The following AGAP1 variants were observed in gnomAD, a reference collection of about 807,000 sequenced individuals.
AGAP1 encodes arf-GAP with GTPase, ANK repeat and PH domain-containing protein 1.
In AGAP1, 29 loss-of-function variants were observed where a neutral mutation model predicts 105.3. The observed-to-expected ratio is 0.28, with a 90% CI of 0.21 to 0.38. The LOEUF is 0.38. AGAP1 is among the 10% of genes least tolerant of loss of function. The pLI, the probability that AGAP1 is intolerant of heterozygous loss-of-function variation, is 1.00. For synonymous variants in AGAP1, 509 were observed against 485.9 expected (o/e 1.05, Z -0.63); for missense variants, 998 against 1,165.1 (o/e 0.86, Z 2.09).
Position 235,883,280 on chromosome 2 carries a change from G to A in AGAP1, c.1051-65G>A, listed in dbSNP as rs1241083932. On this transcript the variant is annotated intron_variant, in intron 9 of 17. Transcript: ENST00000304032. The surrounding 1 kb of genome is among the most constrained non-coding windows in gnomAD (Gnocchi z 4.5). ...CAGAACTTGAATGTATATGTTGCCT[G>A]TGTACCTGCCTTTTCTTTTTTTTAT... is the stretch of plus-strand genomic sequence containing the variant. The A allele has an allele frequency of 5.6e-6, 8 of 1,425,240 alleles. No individual in the cohort carries two copies. Among genetic ancestry groups the A allele is most frequent in the South Asian group, 1.2e-5 (1 of 85,880 alleles). 88.3% of individuals were successfully genotyped at this position (1,425,240 alleles called of 1,614,324 possible). A position where few individuals can be genotyped will look rare whatever the true frequency, so the allele number is the denominator to read the frequency against.
In AGAP1 at chr2:235,992,766, C is replaced by A. The variant is rs1559733390; in HGVS notation, c.1645+24143C>A. Among the ~76,000 whole-genome samples, 1 of 152,188 alleles carries A rather than the reference C, an allele frequency of 6.6e-6. No individual in the cohort carries two copies. Among genetic ancestry groups the A allele is most frequent in the African/African-American group, 2.4e-5 (1 of 41,456 alleles). Reference sequence around the variant, plus strand: ...GATGCGTCGTGGGCGCCGAGGAGAGCGTAGCCTCCTGTTAACGTAGCCTCC... The same window carrying A: ...GATGCGTCGTGGGCGCCGAGGAGAGAGTAGCCTCCTGTTAACGTAGCCTCC... On this transcript the variant is annotated intron_variant, in intron 13 of 17. Transcript: ENST00000304032. This position sits in a 1 kb window ranked among gnomAD's most constrained non-coding sequence, Gnocchi z 4.8.
At chr2:235,868,575 G>C (rs965104021) in intron 9 of AGAP1, among the ~76,000 whole-genome samples, 1 of 152,134 alleles carries the variant, frequency 6.6e-6, no homozygotes. Context: ...AGCAGAGGCC[G>C]GCACCATTTG....
At chr2:236,122,401 C>T (rs1003111696) in intron 17 of AGAP1, among the ~76,000 whole-genome samples, 3 of 152,156 alleles carry the variant, frequency 2.0e-5, no homozygotes, top group Non-Finnish European at 4.4e-5. Flanking sequence ...GCGGGGGACA[C>T]AGTTATAAAT....
chr2:235,664,143 G>A lies in AGAP1; in HGVS notation c.164-45036G>A, dbSNP rs1948051624. On this transcript the variant is annotated intron_variant, in intron 1 of 17. Coordinates refer to ENST00000304032, the MANE Select transcript of AGAP1 (RefSeq NM_001037131.3). The surrounding 1 kb of genome is among the most constrained non-coding windows in gnomAD (Gnocchi z 5.7). ...GGGAGCTGCTGTGTGTGACGTGGCT[G>A]TTCAGTGTTGTTTGTGTTGGCTCTG... Among the ~76,000 whole-genome samples the A allele has an allele frequency of 6.6e-6, 1 of 152,132 alleles. No individual in the cohort carries two copies. The highest frequency in any genetic ancestry group is 1.5e-5 in the Non-Finnish European group (1 of 68,034).
At chr2:235,846,153 A>T (rs1416201520) in intron 9 of AGAP1, among the ~76,000 whole-genome samples, 1 of 152,134 alleles carries the variant, frequency 6.6e-6, no homozygotes, top group Non-Finnish European at 1.5e-5. Flanking sequence ...CATCCTTGTA[A>T]ATCATTTACT....
In AGAP1 at chr2:236,046,334, T is replaced by C. The variant is rs1168711901; in HGVS notation, c.1892-2725T>C. Among the ~76,000 whole-genome samples the C allele has an allele frequency of 1.3e-5, 2 of 152,132 alleles. No homozygotes were observed. Among genetic ancestry groups the C allele is most frequent in the Admixed American group, 1.3e-4 (2 of 15,282 alleles). On this transcript the variant is annotated intron_variant, in intron 15 of 17. Coordinates refer to ENST00000304032, the MANE Select transcript of AGAP1 (RefSeq NM_001037131.3). This position sits in a 1 kb window ranked among gnomAD's most constrained non-coding sequence, Gnocchi z 5.2. ...GTGTTCAGTGGGGCCCTGGCTGCTG[T>C]GTGAAGAGGTCTGCAGGGAAGTGAC...
At chr2:235,863,675 G>A (rs2049028460) in intron 9 of AGAP1, among the ~76,000 whole-genome samples, 1 of 152,236 alleles carries the variant, frequency 6.6e-6, no homozygotes, top group Admixed American at 6.5e-5. Context: ...GAGAGCACAT[G>A]GCTAACTACG....
chr2:235,873,857 A>G (rs2049568475), intron 9 of AGAP1, among the ~76,000 whole-genome samples: 1 of 151,936 alleles, frequency 6.6e-6, no homozygotes, highest in Non-Finnish European at 1.5e-5. Context: ...CTTCCCGGGT[A>G]GCTGGGACTA....
At chr2:235,820,656 TA>T (rs1958739710) in intron 9 of AGAP1, among the ~76,000 whole-genome samples, 3 of 152,370 alleles carry the variant, frequency 2.0e-5, no homozygotes, top group South Asian at 4.1e-4. Flanking sequence ...AGAATGTTTA[TA>T]TTTTTAGTGT....
chr2:235,750,591 T>C lies in AGAP1; in HGVS notation c.673+103T>C, dbSNP rs909110825. 7.8e-6 allele frequency: 12 copies of C among 1,535,884 alleles called. No homozygotes were observed. The highest frequency in any genetic ancestry group is 5.4e-5 in the African/African-American group (4 of 73,404). ...CTTGTGCATGTGGGTGGTGGAAATA[T>C]GTCGTTGATGGGTGGGCATTAGTAT... On this transcript the variant is annotated intron_variant, in intron 6 of 17. Transcript: ENST00000304032. The surrounding 1 kb of genome is among the most constrained non-coding windows in gnomAD (Gnocchi z 5.3).
rs1468540673 is a variant in AGAP1, at chr2:236,073,478, CTGCAAAACAGCT to C, written c.2114+24210_2114+24221del. Among the ~76,000 whole-genome samples, 13 of 152,174 alleles carry C rather than the reference CTGCAAAACAGCT, an allele frequency of 8.5e-5. No homozygotes were observed. In the South Asian group the frequency reaches 2.1e-3, roughly 24 times the overall value. On this transcript the variant is annotated intron_variant, in intron 16 of 17. Coordinates refer to ENST00000304032, the MANE Select transcript of AGAP1 (RefSeq NM_001037131.3). The surrounding 1 kb of genome is among the most constrained non-coding windows in gnomAD (Gnocchi z 5.4). ...TTGCCCTATCAGCTTGCAAAACATG[CTGCAAAACAGCT>C]TGCAAAACAGCTGGGGACTGGAGAT...
chr2:235,964,246 C>T lies in AGAP1; in HGVS notation c.1484-4216C>T, dbSNP rs1239092235. On this transcript the variant is annotated intron_variant, in intron 12 of 17. Coordinates refer to ENST00000304032, the MANE Select transcript of AGAP1 (RefSeq NM_001037131.3). This position sits in a 1 kb window ranked among gnomAD's most constrained non-coding sequence, Gnocchi z 4.6. ...ATGGCCTGTCGAAATGAGAGGACACCCAAGGGACAGAGTAAAATAATATGA... is the reference window on the plus strand; with the variant it reads ...ATGGCCTGTCGAAATGAGAGGACACTCAAGGGACAGAGTAAAATAATATGA... Among the ~76,000 whole-genome samples, 2 of 151,996 alleles carry T rather than the reference C, an allele frequency of 1.3e-5. No individual in the cohort carries two copies. Among genetic ancestry groups the T allele is most frequent in the Non-Finnish European group, 2.9e-5 (2 of 68,020 alleles).
At chr2:235,767,848 G>A (rs1955101607) in intron 6 of AGAP1, among the ~76,000 whole-genome samples, 1 of 139,148 alleles carries the variant, frequency 7.2e-6, no homozygotes, top group Admixed American at 7.8e-5. Flanking sequence ...ACAGTGGCGT[G>A]ATTTGGACTC....
chr2:235,670,434 C>A, intron 1 of AGAP1: 1 of 553,174 alleles, frequency 1.8e-6, no homozygotes, highest in South Asian at 2.0e-5. Context: ...CGGCCGTGCG[C>A]ACGCGGCCTG....
chr2:235,909,598 T>G (rs929525938), intron 11 of AGAP1, among the ~76,000 whole-genome samples: 1 of 152,244 alleles, frequency 6.6e-6, no homozygotes, highest in Non-Finnish European at 1.5e-5. Context: ...AAGATCCTCT[T>G]GAGCCCTCCC....
rs116397042 is a variant in AGAP1 at position 235,521,096 on chromosome 2, A to G, written c.163+26247A>G. On this transcript the variant is annotated intron_variant, in intron 1 of 17. Coordinates refer to ENST00000304032, the MANE Select transcript of AGAP1 (RefSeq NM_001037131.3). ...CCTCATTTGCTTTGGGCTTCCCCAT[A>G]CAATTCTCAGAAGACAGCTCCAGCA... 2.4e-3 allele frequency among the ~76,000 whole-genome samples: 364 copies of G among 152,328 alleles called. 3 individuals are homozygous for G. The highest frequency in any genetic ancestry group is 8.4e-3 in the African/African-American group (351 of 41,568).
Position 235,723,973 on chromosome 2 carries a change from C to T in AGAP1, c.310+6329C>T, listed in dbSNP as rs565416407. Among the ~76,000 whole-genome samples the T allele has an allele frequency of 1.3e-3, 195 of 152,260 alleles. No homozygotes were observed. Among genetic ancestry groups the T allele is most frequent in the African/African-American group, 4.5e-3 (186 of 41,548 alleles). ...GGCCGGGGCCTGCCTGCCACTGAGGCCCAGCGGCTGCCTGCGAGGGTCAGT... is the reference window on the plus strand; with the variant it reads ...GGCCGGGGCCTGCCTGCCACTGAGGTCCAGCGGCTGCCTGCGAGGGTCAGT... On this transcript the variant is annotated intron_variant, in intron 3 of 17. Coordinates refer to ENST00000304032, the MANE Select transcript of AGAP1 (RefSeq NM_001037131.3). The surrounding 1 kb of genome is among the most constrained non-coding windows in gnomAD (Gnocchi z 6.2).
chr2:235,808,023 A>G (rs1396208503), intron 9 of AGAP1, among the ~76,000 whole-genome samples: 1 of 150,616 alleles, frequency 6.6e-6, no homozygotes, highest in Non-Finnish European at 1.5e-5. Flanking sequence ...CAGATTCTAA[A>G]TCACTTTATA....
intron 1 of AGAP1, among the ~76,000 whole-genome samples, chr2:235,500,764 T>G (rs2149000494): frequency 6.6e-6 from 1 of 152,276 alleles, no homozygotes; most frequent in South Asian, 2.1e-4. Context: ...CCAGACCCCT[T>G]TAAATTTCAT....
Sources: allele counts gnomAD v4.1 joint callset (sites outside exome capture counted in the v4.1 genomes callset), GRCh38; gene constraint gnomAD v4.1.1; non-coding constraint Gnocchi (gnomAD v3.1); transcripts MANE v1.5; gene names NCBI Gene and HGNC (gene_info 2026-07-23, HGNC 2026-07-21).